MGMT: variants seen among roughly 807,000 people sequenced by gnomAD.
MGMT encodes the protein O-6-methylguanine-DNA methyltransferase.
MGMT carries 14 observed loss-of-function variants against 15.9 expected under a neutral mutation model. The observed-to-expected ratio is 0.88, with a 90% CI of 0.58 to 1.37. The LOEUF (loss-of-function observed/expected upper bound fraction) is 1.37. MGMT is among the 40% of genes most tolerant of loss of function. The pLI is 0.00. For synonymous variants in MGMT, 130 were observed against 118.2 expected, an observed-to-expected ratio of 1.10 and a Z score of -0.65; for missense variants, 282 against 268.1, an observed-to-expected ratio of 1.05 and a Z score of -0.36.
At chr10:129,555,881 T>C (rs1010512855) in intron 2 of MGMT, among the ~76,000 whole-genome samples, 20 of 152,208 alleles carry the variant, frequency 1.3e-4, no homozygotes, top group Non-Finnish European at 2.9e-5. Context: ...CTGAATGTTC[T>C]TTACCCAGTT....
At chr10:129,543,362 T>C (rs968322262) in intron 2 of MGMT, among the ~76,000 whole-genome samples, 8 of 152,170 alleles carry the variant, frequency 5.3e-5, no homozygotes, top group African/African-American at 1.9e-4. Context: ...GATTGGCAGC[T>C]GAAAGGGCAG....
At chr10:129,563,268 T>G (rs368519667) in intron 2 of MGMT, among the ~76,000 whole-genome samples, 156 of 152,320 alleles carry the variant, frequency 1.0e-3, no homozygotes, top group African/African-American at 3.5e-3. Context: ...GCCTGCGGGA[T>G]GCAGAGGCGA....
At chr10:129,759,082 A>T in intron 3 of MGMT, 120 bp from the exon 4 acceptor site, 1 of 1,279,762 alleles carries the variant, frequency 7.8e-7, no homozygotes, top group East Asian at 2.3e-5. Context: ...CCGTGTTTTA[A>T]TTGAGTATAA....
rs1371260215 is a variant in MGMT at position 129,545,474 on chromosome 10, G to A, written c.125+9097G>A. On this transcript the variant is annotated intron_variant, in intron 2 of 4. Coordinates refer to ENST00000651593, the MANE Select transcript of MGMT (RefSeq NM_002412.5). ...TACACATGAGTCATTGTAAAGTTAC[G>A]ACATGAGCTCGCATACGTGCTGGTA... Among the ~76,000 whole-genome samples the A allele has an allele frequency of 5.9e-5, 9 of 152,154 alleles. No homozygotes were observed. The South Asian group carries it at 1.0e-3, about 18-fold the overall frequency.
intron 2 of MGMT, among the ~76,000 whole-genome samples, chr10:129,569,179 G>T (rs914142402): frequency 6.6e-6 from 1 of 152,128 alleles, no homozygotes; most frequent in East Asian, 1.9e-4. Context: ...TGCTAATGCG[G>T]CACTCTCATG....
At chr10:129,633,690 T>A (rs970461143) in intron 2 of MGMT, among the ~76,000 whole-genome samples, 2 of 152,200 alleles carry the variant, frequency 1.3e-5, no homozygotes, top group Non-Finnish European at 2.9e-5. Flanking sequence ...TTGGTGAGCC[T>A]CCTTGTAAAA....
intron 2 of MGMT, among the ~76,000 whole-genome samples, chr10:129,652,031 C>G (rs1033557432): frequency 6.6e-6 from 1 of 152,044 alleles, no homozygotes; most frequent in Non-Finnish European, 1.5e-5. Flanking sequence ...ACTGAGTGCC[C>G]GAGAGGAAAG....
chr10:129,644,667 A>C (rs1307302401), intron 2 of MGMT, among the ~76,000 whole-genome samples: 1 of 152,184 alleles, frequency 6.6e-6, no homozygotes, highest in Admixed American at 6.5e-5. Flanking sequence ...ACTCTTTATC[A>C]GAAGGGAAAT....
intron 3 of MGMT, among the ~76,000 whole-genome samples, chr10:129,754,678 C>T (rs1848785596): frequency 6.6e-6 from 1 of 152,232 alleles, no homozygotes; most frequent in African/African-American, 2.4e-5. Context: ...GAGCATGACG[C>T]CGGCATCTGC....
intron 2 of MGMT, among the ~76,000 whole-genome samples, chr10:129,554,148 C>T (rs1486827083): frequency 1.3e-5 from 2 of 152,252 alleles, no homozygotes; most frequent in Non-Finnish European, 2.9e-5. Flanking sequence ...CGCCTCTGAA[C>T]ACCTATTCTG....
At chr10:129,713,807 C>T (rs1453480976) in intron 3 of MGMT, among the ~76,000 whole-genome samples, 1 of 152,056 alleles carries the variant, frequency 6.6e-6, no homozygotes, top group Non-Finnish European at 1.5e-5. Flanking sequence ...CCTGTGGGTC[C>T]AGAAGACCAG....
At chr10:129,500,443 A>T (rs1845563836) in intron 1 of MGMT, among the ~76,000 whole-genome samples, 1 of 152,220 alleles carries the variant, frequency 6.6e-6, no homozygotes, top group Non-Finnish European at 1.5e-5. Flanking sequence ...ATGGGACCTG[A>T]GGCAAATTAT....
chr10:129,592,132 G>T (rs1007548848), intron 2 of MGMT, among the ~76,000 whole-genome samples: 4 of 152,100 alleles, frequency 2.6e-5, no homozygotes, highest in Admixed American at 2.0e-4. Flanking sequence ...GACGGGAGTG[G>T]CCACTTTTTT....
intron 1 of MGMT, among the ~76,000 whole-genome samples, chr10:129,524,672 A>T (rs1019086257): frequency 7.3e-6 from 1 of 136,432 alleles, no homozygotes; most frequent in Non-Finnish European, 1.5e-5. Flanking sequence ...GCTCACTGCA[A>T]CCTCCGCCTC....
At chr10:129,509,384 G>C (rs1479951005) in intron 1 of MGMT, among the ~76,000 whole-genome samples, 1 of 152,146 alleles carries the variant, frequency 6.6e-6, no homozygotes, top group African/African-American at 2.4e-5. Flanking sequence ...CCTGCACACG[G>C]TTCCTGTGTG....
At chr10:129,515,480 C>T (rs773353367) in intron 1 of MGMT, among the ~76,000 whole-genome samples, 5 of 152,040 alleles carry the variant, frequency 3.3e-5, no homozygotes, top group Admixed American at 6.6e-5. Flanking sequence ...TGTCCTGTCT[C>T]ATTACTTGAT....
intron 2 of MGMT, among the ~76,000 whole-genome samples, chr10:129,560,676 G>T (rs1846266279): frequency 6.6e-6 from 1 of 152,172 alleles, no homozygotes; most frequent in South Asian, 2.1e-4. Flanking sequence ...CAGCGTTAAA[G>T]TTCAATACAA....
rs558943195 is a variant in MGMT at position 129,744,986 on chromosome 10, G to C, written c.275-14216G>C. Among the ~76,000 whole-genome samples the C allele has an allele frequency of 2.0e-5, 3 of 152,290 alleles. No homozygotes were observed. In the South Asian group the frequency reaches 6.2e-4, roughly 32 times the overall value. ...GGTCATCCACAGTGCTGAGTGTTGG[G>C]ATAGAGCCCCGGGAGGTAGGTGCCT... On this transcript the variant is annotated intron_variant, in intron 3 of 4. Transcript: ENST00000651593.
chr10:129,745,653 C>A (rs932194673), intron 3 of MGMT, among the ~76,000 whole-genome samples: 1 of 152,184 alleles, frequency 6.6e-6, no homozygotes, highest in Non-Finnish European at 1.5e-5. Flanking sequence ...TTTGGCCATT[C>A]TAATAGATAT....
Sources: allele counts gnomAD v4.1 joint callset (sites outside exome capture counted in the v4.1 genomes callset), GRCh38; gene constraint gnomAD v4.1.1; transcripts MANE v1.5; gene names NCBI Gene and HGNC (gene_info 2026-07-23, HGNC 2026-07-21).